CCDC141: variants seen among roughly 807,000 people sequenced by gnomAD.
CCDC141 encodes the protein coiled-coil domain-containing protein 141.
A neutral mutation model predicts 181.0 loss-of-function variants in CCDC141; 168 were observed. That is an observed-to-expected ratio of 0.93 (90% CI 0.82 to 1.05). The LOEUF (loss-of-function observed/expected upper bound fraction) is 1.05. Ranked by LOEUF, CCDC141 falls within the 50% of genes least tolerant of loss-of-function variation. The pLI is 0.00. For missense variants in CCDC141, 1,902 were observed against 1,788.5 expected (o/e 1.06, Z -1.14); for synonymous variants, 666 against 642.3 (o/e 1.04, Z -0.56).
chr2:179,049,066 C>G (rs1469247471), intron 1 of CCDC141, among the ~76,000 whole-genome samples: 1 of 152,138 alleles, frequency 6.6e-6, no homozygotes, highest in Admixed American at 6.5e-5. Context: ...AAAGCCCAAG[C>G]CTAGTGCTTG....
intron 6 of CCDC141, among the ~76,000 whole-genome samples, chr2:178,937,233 T>C (rs897850053): frequency 6.6e-6 from 1 of 152,224 alleles, no homozygotes; most frequent in Admixed American, 6.5e-5. Flanking sequence ...GGGTTTGTCA[T>C]AGATGGCTCT....
At chr2:178,845,338 G>A (rs761120974) in intron 22 of CCDC141, among the ~76,000 whole-genome samples, 2 of 152,180 alleles carry the variant, frequency 1.3e-5, no homozygotes, top group Non-Finnish European at 2.9e-5. Flanking sequence ...AAAACAAGTG[G>A]TTTGGGGTGA....
chr2:178,984,179 G>C (rs1158063825), intron 2 of CCDC141, among the ~76,000 whole-genome samples: 2 of 151,636 alleles, frequency 1.3e-5, no homozygotes, highest in Admixed American at 6.6e-5. Flanking sequence ...TTAAAGAAAA[G>C]AATTTTCAAC....
chr2:178,899,295 TATG>T (rs2154372164), intron 8 of CCDC141, among the ~76,000 whole-genome samples: 1 of 152,300 alleles, frequency 6.6e-6, no homozygotes, highest in South Asian at 2.1e-4. Context: ...AAGTGCACTC[TATG>T]ATGTTCACAT....
At chr2:178,989,466 C>T (rs1691923739) in intron 2 of CCDC141, among the ~76,000 whole-genome samples, 1 of 151,482 alleles carries the variant, frequency 6.6e-6, no homozygotes. Context: ...TGGTGGTGGG[C>T]ACCTGTAATC....
At chr2:178,994,176 C>T (rs183553284) in intron 2 of CCDC141, among the ~76,000 whole-genome samples, 38 of 152,318 alleles carry the variant, frequency 2.5e-4, no homozygotes, top group African/African-American at 9.1e-4. Context: ...TTTGTGGGCT[C>T]CAACCCCACA....
chr2:179,016,115 T>C (rs55720955), intron 2 of CCDC141, among the ~76,000 whole-genome samples: 73,671 of 150,846 alleles, frequency 0.49, 20,923 homozygotes, highest in Non-Finnish European at 0.64. Flanking sequence ...AAAAGTTGTA[T>C]GTTCTCACTG....
At chr2:178,902,452 C>T (rs1179882066) in intron 8 of CCDC141, among the ~76,000 whole-genome samples, 1 of 152,060 alleles carries the variant, frequency 6.6e-6, no homozygotes, top group East Asian at 1.9e-4. Flanking sequence ...AATAACACCG[C>T]ATATCTACAA....
At chr2:179,029,260 T>C (rs778213001) in intron 2 of CCDC141, among the ~76,000 whole-genome samples, 23 of 152,336 alleles carry the variant, frequency 1.5e-4, no homozygotes, top group Middle Eastern at 6.8e-3. Context: ...GTCTTCCATA[T>C]ATTATCTTGC....
At chr2:179,046,180 C>A (rs1332858259) in intron 2 of CCDC141, among the ~76,000 whole-genome samples, 1 of 152,232 alleles carries the variant, frequency 6.6e-6, no homozygotes, top group Non-Finnish European at 1.5e-5. Context: ...CGCATTAAAT[C>A]TCTTTGAACC....
intron 16 of CCDC141, 101 bp from the exon 17 acceptor site, chr2:178,866,017 A>T (rs953753267): frequency 5.5e-5 from 52 of 948,670 alleles, no homozygotes; most frequent in South Asian, 3.0e-4. Context: ...GACACTTTTT[A>T]AAAAAAGAAA....
intron 2 of CCDC141, among the ~76,000 whole-genome samples, chr2:179,032,116 G>A (rs2154386968): frequency 6.6e-6 from 1 of 152,112 alleles, no homozygotes; most frequent in East Asian, 1.9e-4. Context: ...TTGTACCCTG[G>A]AAACCCCCCT....
chr2:178,886,909 T>C (rs557900456), intron 9 of CCDC141, 38 bp from the exon 10 acceptor site: 4 of 1,262,878 alleles, frequency 3.2e-6, no homozygotes, highest in African/African-American at 3.1e-5. Context: ...CTTAGTAATA[T>C]ATTTTTGCAT....
intron 21 of CCDC141, among the ~76,000 whole-genome samples, chr2:178,848,495 A>G (rs957429949): frequency 6.6e-6 from 1 of 152,216 alleles, no homozygotes; most frequent in Non-Finnish European, 1.5e-5. Context: ...CGTGAGAAAG[A>G]GAGAATGCAA....
In CCDC141 at chr2:178,834,162, C is replaced by G; in HGVS notation, c.*11G>C. On this transcript the variant is annotated 3_prime_UTR_variant, in exon 24 of 24. Transcript: ENST00000443758. Reference sequence around the variant, plus strand: ...ACATGAGAATGATGTCCATTGGTGCCAACACCACAGTTATTGTGTGAGGAG... The same window carrying G: ...ACATGAGAATGATGTCCATTGGTGCGAACACCACAGTTATTGTGTGAGGAG... The G allele has an allele frequency of 6.5e-7, 1 of 1,532,338 alleles. No individual in the cohort carries two copies. 94.9% of individuals were successfully genotyped at this position (1,532,338 alleles called of 1,614,324 possible). A position where few individuals can be genotyped will look rare whatever the true frequency, so the allele number is the denominator to read the frequency against.
chr2:178,857,755 A>G (rs1412429761), intron 17 of CCDC141, among the ~76,000 whole-genome samples: 1 of 152,226 alleles, frequency 6.6e-6, no homozygotes, highest in Non-Finnish European at 1.5e-5. Context: ...TTGAGCTAAG[A>G]TAAGAGAAGT....
chr2:178,870,387 G>A (rs1198159360), intron 14 of CCDC141, among the ~76,000 whole-genome samples: 1 of 152,126 alleles, frequency 6.6e-6, no homozygotes, highest in African/African-American at 2.4e-5. Context: ...GGGTCTTCAA[G>A]TTCAAGCATT....
At chr2:178,901,714 T>A (rs1250317833) in intron 8 of CCDC141, among the ~76,000 whole-genome samples, 2 of 151,246 alleles carry the variant, frequency 1.3e-5, no homozygotes, top group Non-Finnish European at 3.0e-5. Context: ...GGATGCCCTC[T>A]CTCACCACTC....
At chr2:179,014,255 T>G (rs1429084762) in intron 2 of CCDC141, among the ~76,000 whole-genome samples, 2 of 152,128 alleles carry the variant, frequency 1.3e-5, no homozygotes, top group Non-Finnish European at 2.9e-5. Flanking sequence ...TCTCTCACCT[T>G]ATACAAAAAC....
Sources: allele counts gnomAD v4.1 joint callset (sites outside exome capture counted in the v4.1 genomes callset), GRCh38; gene constraint gnomAD v4.1.1; transcripts MANE v1.5; gene names NCBI Gene and HGNC (gene_info 2026-07-23, HGNC 2026-07-21).